CATSPER1: variants seen among roughly 807,000 people sequenced by gnomAD.
CATSPER1 encodes the protein cation channel sperm-associated protein 1.
Under a neutral mutation model 72.7 loss-of-function variants are expected in CATSPER1, and 57 were observed. The observed-to-expected ratio is 0.78, with a 90% CI of 0.63 to 0.98. The LOEUF (loss-of-function observed/expected upper bound fraction) is 0.98, where lower values mean the gene tolerates loss of function less well. CATSPER1 is among the 50% of genes least tolerant of loss of function. The pLI, the probability that CATSPER1 is intolerant of heterozygous loss-of-function variation, is 0.00. For synonymous variants in CATSPER1, 363 were observed against 403.0 expected (o/e 0.90, Z 1.19); for missense variants, 910 against 1,033.9 (o/e 0.88, Z 1.64).
At chr11:66,019,751 A>T (rs767761755) in intron 9 of CATSPER1, among the ~76,000 whole-genome samples, 10 of 151,534 alleles carry the variant, frequency 6.6e-5, no homozygotes, top group Non-Finnish European at 1.0e-4. Flanking sequence ...ACACACACAC[A>T]CAAAAAAACA....
Position 66,026,058 on chromosome 11 carries a change from G to A in CATSPER1, c.322C>T (p.His108Tyr), listed in dbSNP as rs1358717312. The A allele has an allele frequency of 2.5e-6, 4 of 1,614,044 alleles. No individual in the cohort carries two copies. The highest frequency in any genetic ancestry group is 1.1e-5 in the South Asian group (1 of 91,078). Reference sequence around the variant, plus strand: ...TGGTAGTCCTCACCGTAGGAACGGTGGGAGGGGACGGCGCCTTGAGAGGGA... The same window carrying A: ...TGGTAGTCCTCACCGTAGGAACGGTAGGAGGGGACGGCGCCTTGAGAGGGA... ...LAPSQGAVPS[H>Y]RSYGEDYHDE... Residue 108 changes from histidine to tyrosine, a missense_variant, in exon 1 of 12, where the codon CAC becomes TAC. Transcript: ENST00000312106.
intron 1 of CATSPER1, among the ~76,000 whole-genome samples, chr11:66,024,271 G>GTT (rs796751086): frequency 9.0e-4 from 99 of 110,546 alleles, no homozygotes; most frequent in Non-Finnish European, 1.3e-3. Context: ...CAGCCTATTT[G>GTT]TTTTTTTTTT....
chr11:66,021,466 C>T, intron 4 of CATSPER1, 30 bp downstream of exon 4: 1 of 1,610,268 alleles, frequency 6.2e-7, no homozygotes, highest in Admixed American at 1.7e-5. Context: ...TTTGGAGTCC[C>T]CACCCCAGGT....
rs996300039 is a variant in CATSPER1 at position 66,026,031 on chromosome 11, C to G, written c.349G>C (p.Asp117His). 5.0e-6 allele frequency: 8 copies of G among 1,613,918 alleles called. No homozygotes were observed. Among genetic ancestry groups the G allele is most frequent in the Middle Eastern group, 1.6e-4 (1 of 6,080 alleles). Residue 117 changes from aspartate to histidine, a missense_variant, in exon 1 of 12, where the codon GAT (aspartate) becomes CAT (histidine). Asp to His is a moderately conservative substitution (Grantham distance 81). Transcript: ENST00000312106. ...SHRSYGEDYH[D>H]ELQRDGRRHH... ...CTCCTGCCATCACGTTGGAGCTCATCATGGTAGTCCTCACCGTAGGAACGG... is the reference window on the plus strand; with the variant it reads ...CTCCTGCCATCACGTTGGAGCTCATGATGGTAGTCCTCACCGTAGGAACGG...
rs1565071847 is a variant in CATSPER1, at chr11:66,021,835, C to T, written c.1474G>A (p.Val492Met). The change falls in exon 3 of 12, where the codon GTG becomes ATG. Residue 492 changes from valine (V) to methionine (M), a missense_variant. Transcript: ENST00000312106. ...ALDSIFFCIY[V>M]VEALLKIIAL... ...ATGATCTTGAGCAGGGCTTCCACCA[C>T]GTAGATGCAGAAGAATATGGAGTCC... 1.7e-5 allele frequency: 27 copies of T among 1,614,166 alleles called. No homozygotes were observed. The highest frequency in any genetic ancestry group is 2.2e-5 in the South Asian group (2 of 91,086).
In CATSPER1 at chr11:66,021,218, G is replaced by C. The variant is rs373925688; in HGVS notation, c.1692-33C>G. On this transcript the variant is annotated intron_variant, in intron 4 of 11. Coordinates refer to ENST00000312106, the MANE Select transcript of CATSPER1 (RefSeq NM_053054.4). ...CAGAAGGAGTGGGGACTGAGTCATCGGTGAGGGGCGGGGGTGTGTGTCTCT... is the reference window on the plus strand; with the variant it reads ...CAGAAGGAGTGGGGACTGAGTCATCCGTGAGGGGCGGGGGTGTGTGTCTCT... The C allele has an allele frequency of 3.2e-6, 5 of 1,586,816 alleles. No individual in the cohort carries two copies. In the African/African-American group the frequency reaches 4.0e-5, roughly 13 times the overall value.
In CATSPER1 at chr11:66,020,256, G is replaced by A. The variant is rs1856329002; in HGVS notation, c.2065-56C>T. The A allele has an allele frequency of 1.2e-6, 2 of 1,613,772 alleles. No homozygotes were observed. The highest frequency in any genetic ancestry group is 2.7e-5 in the African/African-American group (2 of 75,042). ...GTCCCAGGCCTGCTCAACCCTGGAG[G>A]CCCCTGGCCTCACTCCTCCAGCTTC... On this transcript the variant is annotated intron_variant, in intron 8 of 11. Transcript: ENST00000312106. The surrounding 1 kb of genome is among the most constrained non-coding windows in gnomAD (Gnocchi z 4.5).
At chr11:66,023,125 C>G in intron 1 of CATSPER1, 64 bp from the exon 2 acceptor site, 1 of 1,456,924 alleles carries the variant, frequency 6.9e-7, no homozygotes, top group Non-Finnish European at 9.6e-7. Context: ...CCAGGCACCC[C>G]CCAGCCTGGC....
Position 66,020,944 on chromosome 11 carries a change from G to A in CATSPER1, c.1794C>T (p.Ser598=), listed in dbSNP as rs777251421. Residue 598 remains serine (S), a synonymous_variant, in exon 6 of 12, where the codon TCC becomes TCT. Coordinates refer to ENST00000312106, the MANE Select transcript of CATSPER1 (RefSeq NM_053054.4). This position sits in a 1 kb window ranked among gnomAD's most constrained non-coding sequence, Gnocchi z 4.5. The part of the protein sequence containing the change: ...ILMFTCLFLF[S]AVLRALFRKS... The stretch of plus-strand genomic sequence containing the variant: ...TGCGGAACAGTGCCCGGAGGACCGC[G>A]GAGAAGAGGACTGGCTGTTCAGGGC... 112 of 1,613,846 alleles carry A rather than the reference G, an allele frequency of 6.9e-5. No individual in the cohort carries two copies. The highest frequency in any genetic ancestry group is 1.6e-4 in the Middle Eastern group (1 of 6,084).
rs778872520 is a variant in CATSPER1, at chr11:66,018,854, T to C, written c.2174A>G (p.Glu725Gly). 1 of 1,613,722 alleles carries C rather than the reference T, an allele frequency of 6.2e-7. No individual in the cohort carries two copies. Among genetic ancestry groups the C allele is most frequent in the Non-Finnish European group, 8.5e-7 (1 of 1,180,022 alleles). ...CTCAGTCATGGTCCCAAACTTTTTC[T>C]CGATGAGCCGCTTCAGCATGGTGCC... ...SEGTMLKRLI[E>G]KKFGTMTEKQ... Residue 725 changes from glutamate (E) to glycine (G), a missense_variant, in exon 10 of 12, where the codon GAG becomes GGG. Coordinates refer to ENST00000312106, the MANE Select transcript of CATSPER1 (RefSeq NM_053054.4).
chr11:66,021,700 C>T, intron 3 of CATSPER1, 57 bp from the exon 4 acceptor site: 4 of 1,612,122 alleles, frequency 2.5e-6, no homozygotes, highest in Non-Finnish European at 3.4e-6. Flanking sequence ...CCCCCTTCCC[C>T]ATCCTTCTCT....
At chr11:66,019,632 G>T (rs531012458) in intron 9 of CATSPER1, among the ~76,000 whole-genome samples, 16 of 152,012 alleles carry the variant, frequency 1.1e-4, no homozygotes, top group Non-Finnish European at 2.2e-4. Flanking sequence ...GCTCACACCT[G>T]CAATCTCAGC....
chr11:66,024,301 G>A (rs183043583), intron 1 of CATSPER1, among the ~76,000 whole-genome samples: 266 of 133,454 alleles, frequency 2.0e-3, no homozygotes, highest in African/African-American at 7.3e-3. Context: ...TTTTTCCTAC[G>A]GAGTCTTGCA....
Position 66,026,434 on chromosome 11 carries a change from C to G in CATSPER1, c.-55G>C. The G allele has an allele frequency of 6.2e-7, 1 of 1,603,958 alleles. No individual in the cohort carries two copies. Among genetic ancestry groups the G allele is most frequent in the Non-Finnish European group, 8.5e-7 (1 of 1,179,654 alleles). On this transcript the variant is annotated 5_prime_UTR_variant, in exon 1 of 12. Transcript: ENST00000312106. Reference sequence around the variant, plus strand: ...AGCTCAAGACCTGGGCCCAACAGGCCCCGCCTGGATTTCCCTTCTTTCCTG... The same window carrying G: ...AGCTCAAGACCTGGGCCCAACAGGCGCCGCCTGGATTTCCCTTCTTTCCTG...
At chr11:66,017,304 C>T (rs999776959) in intron 10 of CATSPER1, 130 bp from the exon 11 acceptor site, 5 of 642,930 alleles carry the variant, frequency 7.8e-6, no homozygotes, top group Non-Finnish European at 1.4e-5. Flanking sequence ...TGACTGCAGA[C>T]CTGCATTTCC....
In CATSPER1 at chr11:66,025,264, T is replaced by G. The variant is rs998854780; in HGVS notation, c.1116A>C (p.Ser372=). The change falls in exon 1 of 12, where the codon TCA becomes TCC. Residue 372 remains serine (S), a synonymous_variant. Coordinates refer to ENST00000312106, the MANE Select transcript of CATSPER1 (RefSeq NM_053054.4). The part of the protein sequence containing the change: ...SMTRSSSTIR[S]RVTQMSKKVH... ...CTTTTTTGGACATCTGGGTGACACG[T>G]GAGCGGATTGTGCTGGAGGACCGAG... 1 of 1,614,032 alleles carries G rather than the reference T, an allele frequency of 6.2e-7. No individual in the cohort carries two copies. Among genetic ancestry groups the G allele is most frequent in the Admixed American group, 1.7e-5 (1 of 59,986 alleles).
intron 2 of CATSPER1, among the ~76,000 whole-genome samples, chr11:66,022,243 G>A (rs1409208426): frequency 1.3e-5 from 2 of 152,184 alleles, no homozygotes; most frequent in Non-Finnish European, 2.9e-5. Context: ...GGGAGGCTGA[G>A]GCAGGAGAAT....
At chr11:66,019,866 G>A (rs1256416189) in intron 9 of CATSPER1, among the ~76,000 whole-genome samples, 5 of 127,150 alleles carry the variant, frequency 3.9e-5, no homozygotes, top group Admixed American at 1.1e-4. Context: ...GCAGTGAGCA[G>A]AGATTGCAGC....
chr11:66,025,846 G>A lies in CATSPER1; in HGVS notation c.534C>T (p.Ser178=), dbSNP rs756233255. 3.1e-6 allele frequency: 5 copies of A among 1,613,690 alleles called. No individual in the cohort carries two copies. Among genetic ancestry groups the A allele is most frequent in the South Asian group, 2.2e-5 (2 of 91,062 alleles). ...HHGEASHHGG[S]YLPHGPNPYS... is the part of the protein sequence containing the mutation. ...AGGGATTGGGTCCATGGGGGAGGTA[G>A]GACCCACCATGGTGGGAAGCCTCAC... The change falls in exon 1 of 12, where the codon TCC becomes TCT. Residue 178 remains serine, a synonymous_variant. Transcript: ENST00000312106.
Sources: allele counts gnomAD v4.1 joint callset (sites outside exome capture counted in the v4.1 genomes callset), GRCh38; gene constraint gnomAD v4.1.1; non-coding constraint Gnocchi (gnomAD v3.1); transcripts MANE v1.5; gene names NCBI Gene and HGNC (gene_info 2026-07-23, HGNC 2026-07-21).